C11orf65: variants seen among roughly 807,000 people sequenced by gnomAD.
C11orf65 encodes protein MFI.
Under a neutral mutation model 35.3 loss-of-function variants are expected in C11orf65, and 38 were observed. That is an observed-to-expected ratio of 1.08 (90% CI 0.83 to 1.41). The LOEUF is 1.41. C11orf65 is among the 40% of genes most tolerant of loss of function. The probability of loss-of-function intolerance (pLI) is 0.00; values close to 1 mark genes in which losing one functional copy is unlikely to be tolerated. For synonymous variants in C11orf65, 105 were observed against 114.4 expected (o/e 0.92, Z 0.53); for missense variants, 370 against 367.1 (o/e 1.01, Z -0.06).
chr11:108,343,491 A>G, intron 2 of C11orf65: 1 of 1,227,216 alleles, frequency 8.1e-7, no homozygotes, highest in South Asian at 1.4e-5. Context: ...ATTGTCAAAG[A>G]TACTAAGTAA....
At chr11:108,430,004 T>TA (rs2092961982) in intron 3 of C11orf65, among the ~76,000 whole-genome samples, 1 of 152,080 alleles carries the variant, frequency 6.6e-6, no homozygotes, top group Non-Finnish European at 1.5e-5. Flanking sequence ...AATAAGGAGT[T>TA]ACTGTTTAAT....
rs184105247 is a variant in C11orf65, at chr11:108,451,493, A to G, written c.81+9986T>C. Among the ~76,000 whole-genome samples the G allele has an allele frequency of 1.2e-3, 175 of 152,086 alleles. 2 individuals carry two copies. Among genetic ancestry groups the G allele is most frequent in the African/African-American group, 3.9e-3 (162 of 41,338 alleles). On this transcript the variant is annotated intron_variant, in intron 2 of 8. Transcript: ENST00000393084. Reference sequence around the variant, plus strand: ...AAGGAGAACTACAAACCACTGCTCAACAAAATAAAAGAGGACACAAACAAA... The same window carrying G: ...AAGGAGAACTACAAACCACTGCTCAGCAAAATAAAAGAGGACACAAACAAA...
intron 3 of C11orf65, chr11:108,331,828 G>C (rs745704195): frequency 1.3e-6 from 2 of 1,575,406 alleles, no homozygotes; most frequent in Admixed American, 3.3e-5. Context: ...GAAAAATATG[G>C]ATTATATTTT....
intron 2 of C11orf65, among the ~76,000 whole-genome samples, chr11:108,433,728 G>C (rs1328475256): frequency 6.7e-6 from 1 of 148,590 alleles, no homozygotes; most frequent in Admixed American, 6.7e-5. Context: ...AACAGGGCTT[G>C]TTAGGCTTGG....
Position 108,316,042 on chromosome 11 carries a change from G to A in C11orf65, c.641-6971C>T, listed in dbSNP as rs767939328. The A allele has an allele frequency of 1.9e-6, 3 of 1,614,088 alleles. No individual in the cohort carries two copies. Among genetic ancestry groups the A allele is most frequent in the Non-Finnish European group, 2.5e-6 (3 of 1,180,004 alleles). On this transcript the variant is annotated intron_variant, in intron 6 of 6. Coordinates refer to the C11orf65 transcript ENST00000525729. ...AACATATGAACACGAAGCAATGTGGGGCAAAGCCCTAGTAACATATGACCT... is the reference window on the plus strand; with the variant it reads ...AACATATGAACACGAAGCAATGTGGAGCAAAGCCCTAGTAACATATGACCT...
rs1013244700 is a variant in C11orf65, at chr11:108,333,968, G to A, written c.299+1252C>T. 1 of 1,598,582 alleles carries A rather than the reference G, an allele frequency of 6.3e-7. No homozygotes were observed. Among genetic ancestry groups the A allele is most frequent in the African/African-American group, 1.3e-5 (1 of 74,468 alleles). ...TTGTTGTCCCTACTATGGAAATTAA[G>A]GTAATTTGCAATTAACTCTTGATTT... On this transcript the variant is annotated intron_variant, in intron 3 of 3. Transcript: ENST00000524755.
chr11:108,359,446 C>A (rs1402217049), intron 2 of C11orf65, among the ~76,000 whole-genome samples: 1 of 152,022 alleles, frequency 6.6e-6, no homozygotes, highest in Non-Finnish European at 1.5e-5. Context: ...CCAAGCGGAC[C>A]TAATAGACAT....
chr11:108,332,112 TTG>T, intron 3 of C11orf65: 1 of 1,562,690 alleles, frequency 6.4e-7, no homozygotes, highest in Non-Finnish European at 8.7e-7. Flanking sequence ...TTTTAAAATC[TTG>T]TGTTATTAAG....
intron 2 of C11orf65, among the ~76,000 whole-genome samples, chr11:108,434,303 G>A (rs560651164): frequency 1.2e-4 from 18 of 152,102 alleles, no homozygotes; most frequent in Admixed American, 7.2e-4. Context: ...TCAGGGGTTC[G>A]AGATCAGCCT....
chr11:108,460,007 G>A (rs1446707723), intron 2 of C11orf65, among the ~76,000 whole-genome samples: 2 of 152,118 alleles, frequency 1.3e-5, no homozygotes, highest in Non-Finnish European at 2.9e-5. Flanking sequence ...AACAGTGCTC[G>A]GCTATAGGGC....
At position 108,436,122 on chromosome 11, in the gene C11orf65, A is replaced by G. The variant is rs560971409; in HGVS notation, c.82-4284T>C. On this transcript the variant is annotated intron_variant, in intron 2 of 8. Transcript: ENST00000393084. ...AAGGATTTTAGGAGGAAAAAAAAAA[A>G]AAAGAAAGAAAATAGAAGGGCATAA... Among the ~76,000 whole-genome samples, 403 of 152,130 alleles carry G rather than the reference A, an allele frequency of 2.6e-3. 5 individuals carry two copies. Among genetic ancestry groups the G allele is most frequent in the African/African-American group, 9.2e-3 (381 of 41,538 alleles).
chr11:108,350,242 T>A (rs894952548), intron 2 of C11orf65, among the ~76,000 whole-genome samples: 4 of 152,106 alleles, frequency 2.6e-5, no homozygotes, highest in Non-Finnish European at 5.9e-5. Flanking sequence ...AGTTGTAGTT[T>A]AAAATGGGAG....
intron 2 of C11orf65, among the ~76,000 whole-genome samples, chr11:108,438,927 A>T (rs1021854686): frequency 6.6e-5 from 10 of 152,028 alleles, no homozygotes; most frequent in African/African-American, 2.4e-4. Flanking sequence ...AATCATTTGA[A>T]CGCAGGAGGC....
At chr11:108,460,047 T>A (rs2093454871) in intron 2 of C11orf65, among the ~76,000 whole-genome samples, 1 of 152,062 alleles carries the variant, frequency 6.6e-6, no homozygotes, top group Admixed American at 6.6e-5. Flanking sequence ...GGTTGGAGGA[T>A]CACTTGAGCC....
intron 6 of C11orf65, among the ~76,000 whole-genome samples, chr11:108,402,391 G>C (rs1380146490): frequency 6.6e-6 from 1 of 152,094 alleles, no homozygotes; most frequent in African/African-American, 2.4e-5. Flanking sequence ...CCTTATCTTA[G>C]TGCAAAAGAC....
intron 2 of C11orf65, chr11:108,367,400 G>T: frequency 5.1e-6 from 1 of 197,134 alleles, no homozygotes; most frequent in East Asian, 7.9e-5. Context: ...CTGTTGGAAG[G>T]GAAGGGCTTA....
intron 2 of C11orf65, among the ~76,000 whole-genome samples, chr11:108,374,335 T>A (rs2091657465): frequency 6.6e-6 from 1 of 151,668 alleles, no homozygotes. Context: ...TTCATGAAAA[T>A]CCGTGGTTCT....
At chr11:108,449,449 T>G (rs1364366214) in intron 2 of C11orf65, among the ~76,000 whole-genome samples, 1 of 152,096 alleles carries the variant, frequency 6.6e-6, no homozygotes, top group East Asian at 1.9e-4. Flanking sequence ...TATAGATCAA[T>G]GGAGCAGAAC....
At chr11:108,385,421 G>T (rs1022698839) in intron 8 of C11orf65, among the ~76,000 whole-genome samples, 1 of 151,888 alleles carries the variant, frequency 6.6e-6, no homozygotes, top group East Asian at 2.0e-4. Context: ...GGTGGCTCTC[G>T]CCTGTAATCC....
Sources: allele counts gnomAD v4.1 joint callset (sites outside exome capture counted in the v4.1 genomes callset), GRCh38; gene constraint gnomAD v4.1.1; transcripts MANE v1.5; gene names NCBI Gene and HGNC (gene_info 2026-07-23, HGNC 2026-07-21).